CILP: variants seen among roughly 807,000 people sequenced by gnomAD.
CILP encodes the protein cartilage intermediate layer protein 1.
A neutral mutation model predicts 82.5 loss-of-function variants in CILP; 75 were observed. The observed-to-expected ratio is 0.91, with a 90% CI of 0.75 to 1.10. The LOEUF (loss-of-function observed/expected upper bound fraction) is 1.10, where lower values mean the gene tolerates loss of function less well. Ranked by LOEUF, CILP falls within the 50% of genes least tolerant of loss-of-function variation. CILP has a pLI of 0.00. For missense variants in CILP, 1,479 were observed against 1,530.8 expected, an observed-to-expected ratio of 0.97 and a Z score of 0.56; for synonymous variants, 530 against 580.3, an observed-to-expected ratio of 0.91 and a Z score of 1.25.
chr15:65,205,455 G>A lies in CILP; in HGVS notation c.436C>T (p.Arg146Ter), dbSNP rs143595740. 1.4e-5 allele frequency: 23 copies of A among 1,607,868 alleles called. No homozygotes were observed. In the African/African-American group the frequency reaches 2.0e-4, roughly 14 times the overall value. The change falls in exon 5 of 9, where the codon CGA becomes TGA. Residue 146 changes from arginine (R) to a stop codon, truncating the protein, a stop_gained. Coordinates refer to ENST00000261883, the MANE Select transcript of CILP (RefSeq NM_003613.4). LOFTEE classifies it high-confidence loss of function. ...RFLCPPGSLR[R>*]DTERIWSPWS... is the part of the protein sequence containing the mutation. ...GGGCTCCAGATGCGCTCTGTGTCTC[G>A]GCGCAGGGATCCTGCAAAGTGAGAT... is the stretch of plus-strand genomic sequence containing the variant.
At position 65,204,288 on chromosome 15, in the gene CILP, T is replaced by C. The variant is rs79293410; in HGVS notation, c.899A>G (p.Lys300Arg). The change falls in exon 6 of 9, where the codon AAG becomes AGG. Residue 300 changes from lysine to arginine, a missense_variant. Physicochemically the swap from Lys to Arg is conservative, Grantham distance 26 (BLOSUM62 2). Transcript: ENST00000261883. ...GTTACCTGCCCTCACAAACTCTGCC[T>C]TGATGGTGGCTGCCTTCAGGCTAGT... ...PKTSLKAATI[K>R]AEFVRAETPY... is the part of the protein sequence containing the mutation. 51 of 1,614,018 alleles carry C rather than the reference T, an allele frequency of 3.2e-5. No individual in the cohort carries two copies. The African/African-American group carries it at 6.1e-4, about 19-fold the overall frequency.
intron 4 of CILP, 104 bp downstream of exon 4, chr15:65,206,678 T>C: frequency 4.8e-6 from 6 of 1,240,918 alleles, no homozygotes; most frequent in Non-Finnish European, 6.8e-6. Context: ...AGCATACGCA[T>C]GTGTGTGATG....
At chr15:65,208,588 G>T (rs2088546134) in intron 2 of CILP, among the ~76,000 whole-genome samples, 1 of 152,182 alleles carries the variant, frequency 6.6e-6, no homozygotes. Context: ...TGGGGCAGCG[G>T]TCCTCAATTT....
At chr15:65,205,811 T>C (rs747662457) in intron 4 of CILP, among the ~76,000 whole-genome samples, 2 of 152,196 alleles carry the variant, frequency 1.3e-5, no homozygotes, top group Non-Finnish European at 2.9e-5. Context: ...ATGGAAGGAC[T>C]CCCTGGGAAT....
intron 8 of CILP, among the ~76,000 whole-genome samples, chr15:65,199,563 C>A (rs1406161011): frequency 6.6e-6 from 1 of 152,212 alleles, no homozygotes; most frequent in Non-Finnish European, 1.5e-5. Context: ...TGGCTCACAC[C>A]TGTTATCCCA....
At chr15:65,206,013 C>A (rs1388866456) in intron 4 of CILP, among the ~76,000 whole-genome samples, 1 of 152,132 alleles carries the variant, frequency 6.6e-6, no homozygotes, top group Admixed American at 6.5e-5. Flanking sequence ...TCTTGTGGAA[C>A]CCTAAGGGAG....
chr15:65,198,292 C>G lies in CILP; in HGVS notation c.1994G>C (p.Arg665Thr). 2 of 1,614,232 alleles carry G rather than the reference C, an allele frequency of 1.2e-6. No individual in the cohort carries two copies. Among genetic ancestry groups the G allele is most frequent in the Non-Finnish European group, 1.7e-6 (2 of 1,180,050 alleles). ...AAGTGGCTCTGAGGTGACCTCATCT[C>G]TGAAGTCCACAGAGAACATGCCATA... ...RTYGMFSVDF[R>T]DEVTSEPLNA... is the part of the protein sequence containing the mutation. The change falls in exon 9 of 9, where the codon AGA becomes ACA. Residue 665 changes from arginine (R) to threonine (T), a missense_variant. Transcript: ENST00000261883.
rs754439963 is a variant in CILP, at chr15:65,197,675, T to G, written c.2611A>C (p.Lys871Gln). Reference protein sequence around the residue: ...RTDHEDPRVKKTAFQISMAKP... With the variant: ...RTDHEDPRVKQTAFQISMAKP... ...GCCATGCTAATCTGGAAAGCTGTCT[T>G]TTTAACCCGTGGATCCTCATGGTCC... Residue 871 changes from lysine (K) to glutamine (Q), a missense_variant, in exon 9 of 9, where the codon AAG (lysine) becomes CAG (glutamine). By Grantham distance (53) the Lys-to-Gln change is moderately conservative. Transcript: ENST00000261883. The G allele has an allele frequency of 1.6e-5, 26 of 1,613,882 alleles. No homozygotes were observed. Among genetic ancestry groups the G allele is most frequent in the Non-Finnish European group, 1.9e-5 (23 of 1,180,050 alleles).
At position 65,209,593 on chromosome 15, in the gene CILP, C is replaced by T. The variant is rs2088562981; in HGVS notation, c.61+102G>A. ...ATAAAGTGGCCTCAGGTCTTAAGGCCTTGCTGTGTCTTAAGGCAGATGCAT... is the reference window on the plus strand; with the variant it reads ...ATAAAGTGGCCTCAGGTCTTAAGGCTTTGCTGTGTCTTAAGGCAGATGCAT... On this transcript the variant is annotated intron_variant, in intron 2 of 8. Coordinates refer to ENST00000261883, the MANE Select transcript of CILP (RefSeq NM_003613.4). 12 of 1,093,050 alleles carry T rather than the reference C, an allele frequency of 1.1e-5. No homozygotes were observed. In the Admixed American group the frequency reaches 1.5e-4, roughly 13 times the overall value. The allele number at this position is 1,093,050 out of a possible 1,614,324, so 67.7% of individuals were successfully genotyped here. A position where few individuals can be genotyped will look rare whatever the true frequency, so the allele number is the denominator to read the frequency against.
rs778091424 is a variant in CILP at position 65,198,008 on chromosome 15, G to A, written c.2278C>T (p.Arg760Trp). The A allele has an allele frequency of 9.3e-6, 15 of 1,614,040 alleles. No homozygotes were observed. The highest frequency in any genetic ancestry group is 4.4e-5 in the South Asian group (4 of 91,080). Residue 760 changes from arginine to tryptophan, a missense_variant, in exon 9 of 9, where the codon CGG becomes TGG. Transcript: ENST00000261883. ...TCACTAGGCAAGAACCTCTCACTCC[G>A]GTAGGCCCTCACCTTAACAAAGCAC... is the stretch of plus-strand genomic sequence containing the variant. ...RRCFVKVRAY[R>W]SERFLPSEQI...
Position 65,205,020 on chromosome 15 carries a change from AAAC to A in CILP, c.604+264_604+266del, listed in dbSNP as rs565136281. ...GGCAATGGAGCAAGACTCTGTCTCA[AAAC>A]AACAACAACAACAACAACTTAGCCC... is the stretch of plus-strand genomic sequence containing the variant. On this transcript the variant is annotated intron_variant, in intron 5 of 8. Transcript: ENST00000261883. Among the ~76,000 whole-genome samples the A allele has an allele frequency of 3.0e-4, 45 of 152,142 alleles. No homozygotes were observed. In the South Asian group the frequency reaches 5.4e-3, roughly 18 times the overall value.
At chr15:65,205,120 T>A (rs572188221) in intron 5 of CILP, among the ~76,000 whole-genome samples, 167 bp downstream of exon 5, 1 of 152,302 alleles carries the variant, frequency 6.6e-6, no homozygotes, top group South Asian at 2.1e-4. Flanking sequence ...TGTGTTCCTA[T>A]ATTATCCTGT....
chr15:65,199,001 C>G lies in CILP; in HGVS notation c.1285G>C (p.Val429Leu). The G allele has an allele frequency of 6.2e-7, 1 of 1,611,222 alleles. No homozygotes were observed. The stretch of plus-strand genomic sequence containing the variant: ...CAAGTCTTAACAGGGCAGCGTCCCA[C>G]GTCATAGTAGAAGGAGTTGGTGGCA... ...QNATNSFYYD[V>L]GRCPVKTCAG... Residue 429 changes from valine to leucine, a missense_variant, in exon 9 of 9, where the codon GTG becomes CTG. Physicochemically the swap from Val to Leu is conservative, Grantham distance 32 (BLOSUM62 1). Coordinates refer to ENST00000261883, the MANE Select transcript of CILP (RefSeq NM_003613.4).
intron 7 of CILP, 128 bp downstream of exon 7, chr15:65,203,234 T>G: frequency 1.5e-6 from 1 of 652,942 alleles, no homozygotes; most frequent in Non-Finnish European, 2.7e-6. Flanking sequence ...ACATCCGGGC[T>G]CTGTACCACT....
At chr15:65,209,012 C>CTTTTTTTTTTTTTT (rs556369891) in intron 2 of CILP, among the ~76,000 whole-genome samples, 29 of 69,986 alleles carry the variant, frequency 4.1e-4, no homozygotes, top group South Asian at 1.8e-3. Context: ...GGGTTTTGAG[C>CTTTTTTTTTTTTTT]TTTTTTTTTT....
chr15:65,202,620 G>T (rs140184150), intron 7 of CILP, among the ~76,000 whole-genome samples: 1 of 151,858 alleles, frequency 6.6e-6, no homozygotes, highest in Non-Finnish European at 1.5e-5. Flanking sequence ...TAGATATGGG[G>T]TTTCACCATG....
intron 2 of CILP, among the ~76,000 whole-genome samples, chr15:65,208,954 TC>T (rs1448581251): frequency 2.6e-5 from 4 of 150,968 alleles, no homozygotes; most frequent in African/African-American, 9.7e-5. Flanking sequence ...CAGCCTTTGT[TC>T]CTGCATTTGT....
Position 65,198,540 on chromosome 15 carries a change from CA to C in CILP, c.1745del (p.Met582ArgfsTer36). ...RRKKPITLEA[M>X]ETNIIPLGEV... ...CCCCCAGGGGGATGATGTTGGTCTC[CA>C]TGGCTTCCAAAGTGATGGGCTTTTT... On this transcript the variant is annotated frameshift_variant, in exon 9 of 9. Coordinates refer to ENST00000261883, the MANE Select transcript of CILP (RefSeq NM_003613.4). LOFTEE classifies it high-confidence loss of function. 1 of 1,614,206 alleles carries C rather than the reference CA, an allele frequency of 6.2e-7. No homozygotes were observed. The highest frequency in any genetic ancestry group is 8.5e-7 in the Non-Finnish European group (1 of 1,180,020).
chr15:65,209,878 C>G lies in CILP; in HGVS notation c.-106-17G>C. ...TCCAGTGACCTGTAAAGAAACAAAG[C>G]TTGTCAGGTTTCATATTTCTGAATC... On this transcript the variant is annotated splice_polypyrimidine_tract_variant and intron_variant, in intron 1 of 8. Coordinates refer to ENST00000261883, the MANE Select transcript of CILP (RefSeq NM_003613.4). The G allele has an allele frequency of 1.3e-6, 1 of 742,766 alleles. No homozygotes were observed. The allele number at this position is 742,766 out of a possible 1,614,324, so 46.0% of individuals were successfully genotyped here. A position where few individuals can be genotyped will look rare whatever the true frequency, so the allele number is the denominator to read the frequency against.
Sources: gnomAD v4.1 joint callset for allele counts (sites outside exome capture counted in the v4.1 genomes callset) on GRCh38, gnomAD v4.1.1 for gene constraint, MANE v1.5 for transcripts, NCBI Gene and HGNC (gene_info 2026-07-23, HGNC 2026-07-21) for gene names.